The following ANKRD52 variants were observed in gnomAD, a reference collection of about 807,000 sequenced individuals.
The protein encoded by ANKRD52 is ankyrin repeat domain 52, also known as serine/threonine-protein phosphatase 6 regulatory ankyrin repeat subunit C.
Under a neutral mutation model 116.0 loss-of-function variants are expected in ANKRD52, and 7 were observed. The ratio of observed to expected loss-of-function variants is 0.06; its 90% CI spans 0.03 to 0.11. The LOEUF (loss-of-function observed/expected upper bound fraction) is 0.11. Ranked by LOEUF, ANKRD52 falls within the 10% of genes least tolerant of loss-of-function variation. The pLI is 1.00. For synonymous variants in ANKRD52, 528 were observed against 578.1 expected (o/e 0.91, Z 1.24); for missense variants, 839 against 1,408.6 (o/e 0.60, Z 6.47).
intron 4 of ANKRD52, 93 bp from the exon 5 acceptor site, chr12:56,256,077 C>T (rs1871938941): frequency 3.2e-6 from 4 of 1,248,078 alleles, no homozygotes; most frequent in Non-Finnish European, 3.4e-6. Context: ...GCATCTACAG[C>T]CCCTTCCCCA....
intron 20 of ANKRD52, 66 bp downstream of exon 20, chr12:56,247,427 C>T (rs903116605): frequency 1.1e-5 from 14 of 1,312,958 alleles, no homozygotes; most frequent in Non-Finnish European, 1.5e-5. Context: ...TTCCCTACTG[C>T]TGGTGAGTCC....
At position 56,241,561 on chromosome 12, in the gene ANKRD52, C is replaced by T. The variant is rs1220942326; in HGVS notation, c.*1581G>A. ...CAGGGGAGACCCTGTACTGTGTAAA[C>T]GAAGCCTGTCCAGTTCTCAGGGGAC... On this transcript the variant is annotated 3_prime_UTR_variant, in exon 28 of 28. Coordinates refer to ENST00000267116, the MANE Select transcript of ANKRD52 (RefSeq NM_173595.4). 4.4e-5 allele frequency: 7 copies of T among 160,706 alleles called. No individual in the cohort carries two copies. The highest frequency in any genetic ancestry group is 6.8e-5 in the Non-Finnish European group (5 of 74,026). The allele number at this position is 160,706 out of a possible 1,614,324, so 10.0% of individuals were successfully genotyped here. A position where few individuals can be genotyped will look rare whatever the true frequency, so the allele number is the denominator to read the frequency against.
intron 20 of ANKRD52, among the ~76,000 whole-genome samples, chr12:56,246,940 T>C (rs898315324): frequency 2.1e-5 from 3 of 143,394 alleles, no homozygotes; most frequent in African/African-American, 5.2e-5. Flanking sequence ...ATAATAATAA[T>C]AATAATAATA....
chr12:56,257,655 C>A (rs1334204840), intron 2 of ANKRD52, among the ~76,000 whole-genome samples, 173 bp downstream of exon 2: 1 of 152,070 alleles, frequency 6.6e-6, no homozygotes, highest in Non-Finnish European at 1.5e-5. Context: ...ATCTGGGCTT[C>A]AAGCCTGACC....
chr12:56,257,184 C>T, intron 3 of ANKRD52, 99 bp from the exon 4 acceptor site: 1 of 1,551,436 alleles, frequency 6.4e-7, no homozygotes, highest in Non-Finnish European at 8.8e-7. Flanking sequence ...TGGAGCCTCG[C>T]CTGGACCAAG....
At chr12:56,247,969 C>T in intron 18 of ANKRD52, 54 bp downstream of exon 18, 1 of 1,523,164 alleles carries the variant, frequency 6.6e-7, no homozygotes, top group Non-Finnish European at 8.8e-7. Flanking sequence ...CATTCCCATC[C>T]AGGAGGGATC....
intron 20 of ANKRD52, 81 bp from the exon 21 acceptor site, chr12:56,245,677 T>A: frequency 8.2e-7 from 1 of 1,223,774 alleles, no homozygotes; most frequent in Non-Finnish European, 1.1e-6. Flanking sequence ...GGCTCAGGAG[T>A]AAGAACCACT....
chr12:56,242,364 AAAAG>A lies in ANKRD52; in HGVS notation c.*774_*777del, dbSNP rs1188683708. On this transcript the variant is annotated 3_prime_UTR_variant, in exon 28 of 28. Transcript: ENST00000267116. The surrounding 1 kb of genome is among the most constrained non-coding windows in gnomAD (Gnocchi z 4.3). ...AGGCTCTGCCCTCCCAAAAGAAGATAAAAGAAAGAAGCAAGGTTAAAGTGCGTGG... is the reference window on the plus strand; with the variant it reads ...AGGCTCTGCCCTCCCAAAAGAAGATAAAAGAAGCAAGGTTAAAGTGCGTGG... 6.1e-5 allele frequency: 24 copies of A among 391,784 alleles called. No homozygotes were observed. The highest frequency in any genetic ancestry group is 9.0e-6 in the Non-Finnish European group (2 of 222,416). 24.3% of individuals were successfully genotyped at this position (391,784 alleles called of 1,614,324 possible).
chr12:56,242,595 C>T lies in ANKRD52; in HGVS notation c.*547G>A, dbSNP rs1361293923. The T allele has an allele frequency of 1.4e-4, 25 of 174,542 alleles. No individual in the cohort carries two copies. 10.8% of individuals were successfully genotyped at this position (174,542 alleles called of 1,614,324 possible). A position where few individuals can be genotyped will look rare whatever the true frequency, so the allele number is the denominator to read the frequency against. On this transcript the variant is annotated 3_prime_UTR_variant, in exon 28 of 28. Coordinates refer to ENST00000267116, the MANE Select transcript of ANKRD52 (RefSeq NM_173595.4). This position sits in a 1 kb window ranked among gnomAD's most constrained non-coding sequence, Gnocchi z 4.3. Reference sequence around the variant, plus strand: ...GGGGAAAAAGCTCCAGGCCCCAGTGCTAAATATCCTCCCCCCTCATCCTCT... The same window carrying T: ...GGGGAAAAAGCTCCAGGCCCCAGTGTTAAATATCCTCCCCCCTCATCCTCT...
chr12:56,254,996 G>A lies in ANKRD52; in HGVS notation c.463-44C>T. ...GACACCTGTTCAGAGCTAGATTCGTGCCCTCAACCTACCTAAGAGCAGAGG... is the reference window on the plus strand; with the variant it reads ...GACACCTGTTCAGAGCTAGATTCGTACCCTCAACCTACCTAAGAGCAGAGG... On this transcript the variant is annotated intron_variant, in intron 5 of 27. Coordinates refer to ENST00000267116, the MANE Select transcript of ANKRD52 (RefSeq NM_173595.4). This position sits in a 1 kb window ranked among gnomAD's most constrained non-coding sequence, Gnocchi z 4.6. 1.9e-6 allele frequency: 3 copies of A among 1,580,054 alleles called. No individual in the cohort carries two copies. The highest frequency in any genetic ancestry group is 2.6e-6 in the Non-Finnish European group (3 of 1,151,090).
rs941616660 is a variant in ANKRD52, at chr12:56,245,040, A to G, written c.2493-51T>C. ...TCAGGAAGGACAAGGGAAGTAGACT[A>G]CCTGTCCTAAGCTCAAGTCATGGGC... is the stretch of plus-strand genomic sequence containing the variant. On this transcript the variant is annotated intron_variant, in intron 22 of 27. Coordinates refer to ENST00000267116, the MANE Select transcript of ANKRD52 (RefSeq NM_173595.4). The G allele has an allele frequency of 3.1e-6, 5 of 1,611,210 alleles. No homozygotes were observed. In the African/African-American group the frequency reaches 6.7e-5, roughly 22 times the overall value.
At chr12:56,258,061 G>T in intron 1 of ANKRD52, 150 bp from the exon 2 acceptor site, 1 of 1,321,418 alleles carries the variant, frequency 7.6e-7, no homozygotes, top group Non-Finnish European at 1.1e-6. Context: ...CTCCCGCGGT[G>T]CCTCCGCCGG....
chr12:56,252,615 C>A lies in ANKRD52; in HGVS notation c.1302-45G>T. 6.3e-7 allele frequency: 1 copy of A among 1,597,074 alleles called. No individual in the cohort carries two copies. Among genetic ancestry groups the A allele is most frequent in the Non-Finnish European group, 8.6e-7 (1 of 1,165,476 alleles). On this transcript the variant is annotated intron_variant, in intron 12 of 27. Transcript: ENST00000267116. This position sits in a 1 kb window ranked among gnomAD's most constrained non-coding sequence, Gnocchi z 4.7. ...AGAGAGTTACAGCCTCAAAGGGAAG[C>A]CACAGGCCCAGGGTGGGGCTAAGGA...
In ANKRD52 at chr12:56,253,183, T is replaced by C; in HGVS notation, c.1101-97A>G. ...ACCACCCTAGAGTCAGGGTAGGAGG[T>C]TCTCCAAGGTGCCCTTTGGCAAGCT... is the stretch of plus-strand genomic sequence containing the variant. On this transcript the variant is annotated intron_variant, in intron 10 of 27. Transcript: ENST00000267116. The surrounding 1 kb of genome is among the most constrained non-coding windows in gnomAD (Gnocchi z 5.5). The C allele has an allele frequency of 1.4e-6, 2 of 1,449,700 alleles. No individual in the cohort carries two copies. The highest frequency in any genetic ancestry group is 1.9e-6 in the Non-Finnish European group (2 of 1,057,986). The allele number at this position is 1,449,700 out of a possible 1,614,324, so 89.8% of individuals were successfully genotyped here. A position where few individuals can be genotyped will look rare whatever the true frequency, so the allele number is the denominator to read the frequency against.
rs1391117601 is a variant in ANKRD52, at chr12:56,244,394, C to T, written c.2764G>A (p.Asp922Asn). The T allele has an allele frequency of 5.6e-6, 9 of 1,613,992 alleles. No homozygotes were observed. Among genetic ancestry groups the T allele is most frequent in the Non-Finnish European group, 7.6e-6 (9 of 1,179,884 alleles). The change falls in exon 25 of 28, where the codon GAT becomes AAT. Residue 922 changes from aspartate (D) to asparagine (N), a missense_variant. Transcript: ENST00000267116. The surrounding 1 kb of genome is among the most constrained non-coding windows in gnomAD (Gnocchi z 4.9). ...TGGAGGGCCGTGTTCTTGTTCTCATCCAACACAGTAAGGTCTGCCTTCCCT... is the reference window on the plus strand; with the variant it reads ...TGGAGGGCCGTGTTCTTGTTCTCATTCAACACAGTAAGGTCTGCCTTCCCT... ...YRGKADLTVL[D>N]ENKNTALHLA... is the part of the protein sequence containing the mutation.
chr12:56,250,388 C>T (rs1309273925), intron 15 of ANKRD52, among the ~76,000 whole-genome samples: 3 of 143,674 alleles, frequency 2.1e-5, no homozygotes, highest in East Asian at 2.0e-4. Flanking sequence ...TTTTTAGAGA[C>T]GGGGTCTCAC....
Position 56,248,843 on chromosome 12 carries a change from A to G in ANKRD52, c.1620T>C (p.Gly540=). Residue 540 remains glycine, a synonymous_variant, in exon 16 of 28, where the codon GGT becomes GGC. Coordinates refer to ENST00000267116, the MANE Select transcript of ANKRD52 (RefSeq NM_173595.4). The surrounding 1 kb of genome is among the most constrained non-coding windows in gnomAD (Gnocchi z 5.1). ...FFCLEFLLDN[G]ADPSLRDRQG... is the part of the protein sequence containing the mutation. ...GCCTGTCCCGCAGGGAGGGGTCTGCACCGTTATCCAGTAAGAACTCCAGAC... is the reference window on the plus strand; with the variant it reads ...GCCTGTCCCGCAGGGAGGGGTCTGCGCCGTTATCCAGTAAGAACTCCAGAC... 1 of 1,608,000 alleles carries G rather than the reference A, an allele frequency of 6.2e-7. No individual in the cohort carries two copies. Among genetic ancestry groups the G allele is most frequent in the Admixed American group, 1.7e-5 (1 of 59,102 alleles).
chr12:56,254,802 C>T lies in ANKRD52; in HGVS notation c.550+63G>A. 6.2e-7 allele frequency: 1 copy of T among 1,601,414 alleles called. No individual in the cohort carries two copies. Among genetic ancestry groups the T allele is most frequent in the South Asian group, 1.1e-5 (1 of 90,892 alleles). ...CTCCTCTCTTCAAAGGCTGCAACCC[C>T]ACATCCCTGCCCTAGGAATCCTAAA... On this transcript the variant is annotated intron_variant, in intron 6 of 27. Coordinates refer to ENST00000267116, the MANE Select transcript of ANKRD52 (RefSeq NM_173595.4). This position sits in a 1 kb window ranked among gnomAD's most constrained non-coding sequence, Gnocchi z 4.6.
chr12:56,250,987 T>C (rs1871661551), intron 15 of ANKRD52, among the ~76,000 whole-genome samples: 1 of 152,052 alleles, frequency 6.6e-6, no homozygotes, highest in Admixed American at 6.6e-5. Context: ...GTCGCCCAGG[T>C]TGGAGTGGAT....
Sources: gnomAD v4.1 joint callset for allele counts (sites outside exome capture counted in the v4.1 genomes callset) on GRCh38, gnomAD v4.1.1 for gene constraint, Gnocchi (gnomAD v3.1) non-coding constraint, MANE v1.5 for transcripts, NCBI Gene and HGNC (gene_info 2026-07-23, HGNC 2026-07-21) for gene names.